Variants in SCAF11 observed in about 807,000 individuals in gnomAD.
SCAF11 encodes protein SCAF11.
In SCAF11, 47 loss-of-function variants were observed where a neutral mutation model predicts 140.5. The observed-to-expected ratio is 0.33, with a 90% CI of 0.26 to 0.43. The LOEUF is 0.43. Ranked by LOEUF, SCAF11 falls within the 20% of genes least tolerant of loss-of-function variation. SCAF11 has a pLI of 1.00. For synonymous variants in SCAF11, 557 were observed against 579.4 expected (o/e 0.96, Z 0.55); for missense variants, 1,645 against 1,705.1 (o/e 0.96, Z 0.62).
intron 1 of SCAF11, among the ~76,000 whole-genome samples, chr12:45,980,275 A>C (rs1362060614): frequency 6.6e-6 from 1 of 152,226 alleles, no homozygotes; most frequent in African/African-American, 2.4e-5. Context: ...AAATGACTGC[A>C]AAAATGTTAA....
In SCAF11 at chr12:45,927,263, C is replaced by T. The variant is rs374112692; in HGVS notation, c.2438G>A (p.Arg813Gln). The change falls in exon 11 of 15, where the codon CGG (arginine) becomes CAG (glutamine). Residue 813 changes from arginine (R) to glutamine (Q), a missense_variant. Physicochemically the swap from Arg to Gln is conservative, Grantham distance 43 (BLOSUM62 1). Transcript: ENST00000369367. ...PNKDTPQEKK[R>Q]PQSPSPRRET... is the part of the protein sequence containing the mutation. ...TCTTCTGGGAGATGGAGACTGGGGCCGCTTCTTTTCTTGTGGAGTGTCTTT... is the reference window on the plus strand; with the variant it reads ...TCTTCTGGGAGATGGAGACTGGGGCTGCTTCTTTTCTTGTGGAGTGTCTTT... 59 of 1,613,642 alleles carry T rather than the reference C, an allele frequency of 3.7e-5. No homozygotes were observed. The highest frequency in any genetic ancestry group is 1.2e-4 in the Admixed American group (7 of 59,896).
chr12:45,990,707 C>T (rs1031675602), upstream of SCAF11: 2 of 703,708 alleles, frequency 2.8e-6, no homozygotes, highest in Non-Finnish European at 1.9e-6. Context: ...TCTGCTTACT[C>T]GCTCGCTCTG....
upstream of SCAF11, among the ~76,000 whole-genome samples, chr12:45,991,131 T>C (rs185720609): frequency 3.3e-5 from 5 of 152,360 alleles, no homozygotes; most frequent in East Asian, 9.6e-4. Flanking sequence ...AAATGCAGCC[T>C]GTGGAGTGAA....
At chr12:45,956,195 TAGAG>T (rs776886176) in intron 3 of SCAF11, 40 of 715,846 alleles carry the variant, frequency 5.6e-5, no homozygotes, top group Admixed American at 4.6e-4. Context: ...TAGCTCCTCT[TAGAG>T]AGAGAGAAAC....
chr12:45,987,006 CCTT>C (rs1381597850), intron 1 of SCAF11, among the ~76,000 whole-genome samples: 2 of 152,180 alleles, frequency 1.3e-5, no homozygotes, highest in African/African-American at 4.8e-5. Context: ...ATTCTTAGCT[CCTT>C]CTATATTAAG....
In SCAF11 at chr12:45,926,866, A is replaced by G. The variant is rs1345381304; in HGVS notation, c.2835T>C (p.Cys945=). 3.7e-6 allele frequency: 6 copies of G among 1,613,980 alleles called. No homozygotes were observed. In the Admixed American group the frequency reaches 1.0e-4, roughly 27 times the overall value. Residue 945 remains cysteine, a synonymous_variant, in exon 11 of 15, where the codon TGT becomes TGC. Coordinates refer to ENST00000369367, the MANE Select transcript of SCAF11 (RefSeq NM_004719.3). ...ATGATGAACTCTTACTTTTTGTTCTACATCTTGAGGGGGACCTAGAATGAG... is the reference window on the plus strand; with the variant it reads ...ATGATGAACTCTTACTTTTTGTTCTGCATCTTGAGGGGGACCTAGAATGAG... ...SRSHSRSPSR[C]RTKSKSSSFG... is the part of the protein sequence containing the mutation.
At chr12:45,936,122 T>C (rs1592177520) in intron 6 of SCAF11, among the ~76,000 whole-genome samples, 1 of 152,064 alleles carries the variant, frequency 6.6e-6, no homozygotes, top group Non-Finnish European at 1.5e-5. Flanking sequence ...AACACCCTTA[T>C]ACTACTCTAT....
At position 45,927,755 on chromosome 12, in the gene SCAF11, CAT is replaced by C. The variant is rs1228999638; in HGVS notation, c.1944_1945del (p.Cys649Ter). ...GAAATCTTCATTCCCAAAAGTATCA[CAT>C]GTTGCAATTATTTCTACATCTTCAG... is the stretch of plus-strand genomic sequence containing the variant. On this transcript the variant is annotated frameshift_variant, in exon 11 of 15. Transcript: ENST00000369367. LOFTEE classifies it high-confidence loss of function. 3.1e-6 allele frequency: 5 copies of C among 1,612,692 alleles called. No homozygotes were observed. The highest frequency in any genetic ancestry group is 4.2e-6 in the Non-Finnish European group (5 of 1,179,356).
intron 1 of SCAF11, among the ~76,000 whole-genome samples, chr12:45,969,893 C>T (rs1592214649): frequency 6.6e-6 from 1 of 152,024 alleles, no homozygotes; most frequent in East Asian, 1.9e-4. Context: ...CACACCACCA[C>T]ATTCAACCAT....
chr12:45,948,231 C>A (rs1029168250), intron 5 of SCAF11, among the ~76,000 whole-genome samples: 1 of 152,108 alleles, frequency 6.6e-6, no homozygotes, highest in Admixed American at 6.5e-5. Flanking sequence ...CCATGCCCAG[C>A]CAGAACCAAT....
At chr12:45,956,217 A>G (rs1215952624) in intron 3 of SCAF11, 11 of 713,260 alleles carry the variant, frequency 1.5e-5, no homozygotes, top group Non-Finnish European at 2.9e-5. Context: ...AACAAGTGTT[A>G]AGACAAGTGC....
chr12:45,957,344 A>C (rs1226277915), intron 3 of SCAF11, among the ~76,000 whole-genome samples: 2 of 152,216 alleles, frequency 1.3e-5, no homozygotes, highest in South Asian at 2.1e-4. Context: ...TGCATAAAGA[A>C]ACACCTGTAT....
chr12:45,933,749 T>G (rs948289936), intron 8 of SCAF11, among the ~76,000 whole-genome samples: 1 of 152,144 alleles, frequency 6.6e-6, no homozygotes. Context: ...TAACTGTACG[T>G]GATTTTAAAA....
chr12:45,941,251 T>C lies in SCAF11; in HGVS notation c.463+3998A>G, dbSNP rs183843914. On this transcript the variant is annotated intron_variant, in intron 6 of 14. Transcript: ENST00000369367. The stretch of plus-strand genomic sequence containing the variant: ...TCTATGGTCGTAGACACCTTACTTA[T>C]CGAAAAACGAATTTGCCTGTCATCT... Among the ~76,000 whole-genome samples the C allele has an allele frequency of 2.1e-4, 32 of 152,308 alleles. No individual in the cohort carries two copies. In the East Asian group the frequency reaches 6.2e-3, roughly 29 times the overall value.
chr12:45,990,252 T>A (rs994705017), intron 1 of SCAF11, 101 bp downstream of exon 1: 3 of 1,228,000 alleles, frequency 2.4e-6, no homozygotes, highest in Non-Finnish European at 3.0e-6. Flanking sequence ...AGCCCTCGCG[T>A]CGCCCTAGGC....
intron 5 of SCAF11, among the ~76,000 whole-genome samples, 172 bp downstream of exon 5, chr12:45,948,265 C>T (rs1945471131): frequency 6.6e-6 from 1 of 152,092 alleles, no homozygotes; most frequent in Non-Finnish European, 1.5e-5. Flanking sequence ...CAGAGTAGAG[C>T]TCAAATCAGA....
intron 1 of SCAF11, among the ~76,000 whole-genome samples, chr12:45,970,643 C>T (rs1185963930): frequency 6.6e-6 from 1 of 152,220 alleles, no homozygotes; most frequent in Non-Finnish European, 1.5e-5. Context: ...AGCAGTTGAT[C>T]AACAAAAGCA....
intron 4 of SCAF11, among the ~76,000 whole-genome samples, chr12:45,950,836 A>G (rs1407088071): frequency 6.6e-6 from 1 of 152,300 alleles, no homozygotes; most frequent in Admixed American, 6.5e-5. Flanking sequence ...TTACATAGAC[A>G]GTAACCAAGT....
At chr12:45,961,393 CAG>C in intron 3 of SCAF11, 8 of 705,796 alleles carry the variant, frequency 1.1e-5, no homozygotes, top group East Asian at 2.7e-5. Flanking sequence ...CTATTAAGCA[CAG>C]AGTCAAGTAC....
Sources: allele counts gnomAD v4.1 joint callset (sites outside exome capture counted in the v4.1 genomes callset), GRCh38; gene constraint gnomAD v4.1.1; transcripts MANE v1.5; gene names NCBI Gene and HGNC (gene_info 2026-07-23, HGNC 2026-07-21).